Variants in DMD observed in about 807,000 individuals in gnomAD.
The protein encoded by DMD is dystrophin.
A neutral mutation model predicts 330.1 loss-of-function variants in DMD; 63 were observed. That is an observed-to-expected ratio of 0.19 (90% CI 0.16 to 0.24). DMD has a LOEUF of 0.24. Ranked by LOEUF, DMD falls within the 10% of genes least tolerant of loss-of-function variation. The pLI is 1.00. For missense variants in DMD, 3,344 were observed against 2,684.1 expected (o/e 1.25, Z -5.43); for synonymous variants, 1,223 against 959.8 (o/e 1.27, Z -5.07).
At chrX:31,584,984 A>T (rs769088244) in intron 55 of DMD, among the ~76,000 whole-genome samples, 1 of 110,291 alleles carries the variant, frequency 9.1e-6, no homozygotes, top group African/African-American at 3.3e-5. Context: ...TTTTTTTTTT[A>T]AAGGAAAATA....
At chrX:32,286,286 TA>T (rs951533633) in intron 43 of DMD, among the ~76,000 whole-genome samples, 9 of 111,786 alleles carry the variant, frequency 8.1e-5, no homozygotes, top group African/African-American at 2.9e-4. Context: ...TACAAATGCA[TA>T]AATGATTTAT....
chrX:32,372,313 CA>C (rs2097882095), intron 34 of DMD, among the ~76,000 whole-genome samples: 1 of 111,503 alleles, frequency 9.0e-6, no homozygotes, highest in African/African-American at 3.3e-5. Context: ...TATCAGAGAC[CA>C]AAATACACAT....
intron 42 of DMD, among the ~76,000 whole-genome samples, chrX:32,296,106 T>C (rs1603630141): frequency 8.9e-6 from 1 of 112,126 alleles, no homozygotes; most frequent in East Asian, 2.8e-4. Flanking sequence ...TTATTTAAAA[T>C]AGCAGCCGGG....
At chrX:31,984,215 C>G (rs980992257) in intron 44 of DMD, among the ~76,000 whole-genome samples, 20 of 111,838 alleles carry the variant, frequency 1.8e-4, no homozygotes, top group Non-Finnish European at 1.9e-5. Context: ...TAAATATAAT[C>G]ATTATGTGAA....
At chrX:31,139,159 T>C (rs1337148431) in intron 76 of DMD, among the ~76,000 whole-genome samples, 2 of 111,431 alleles carry the variant, frequency 1.8e-5, no homozygotes, top group Non-Finnish European at 3.8e-5. Context: ...CAAACATGCA[T>C]AAATAATAGA....
chrX:31,938,928 T>C (rs1314498388), intron 45 of DMD, among the ~76,000 whole-genome samples: 1 of 111,473 alleles, frequency 9.0e-6, no homozygotes, highest in Non-Finnish European at 1.9e-5. Context: ...TCCCAGTGTG[T>C]GTGTGTCTGT....
intron 45 of DMD, among the ~76,000 whole-genome samples, 155 bp downstream of exon 45, chrX:31,968,180 GAAAT>G (rs1231484435): frequency 1.8e-5 from 2 of 111,420 alleles, no homozygotes; most frequent in Non-Finnish European, 3.8e-5. Context: ...ATGAAAAAAA[GAAAT>G]AAAAAATTTC....
intron 2 of DMD, among the ~76,000 whole-genome samples, chrX:32,898,763 T>C (rs147264137): frequency 0.025 from 2,741 of 111,455 alleles, 78 homozygotes; most frequent in African/African-American, 0.085. Context: ...TGCTGGTTTC[T>C]GCTGTTTTTC....
intron 2 of DMD, among the ~76,000 whole-genome samples, chrX:32,920,366 G>A (rs1018187821): frequency 1.8e-5 from 2 of 111,743 alleles, no homozygotes; most frequent in Non-Finnish European, 3.8e-5. Context: ...TCAGAGCAAT[G>A]ATGGTGTCTA....
At chrX:32,428,311 A>G (rs2098221604) in intron 29 of DMD, among the ~76,000 whole-genome samples, 1 of 112,029 alleles carries the variant, frequency 8.9e-6, no homozygotes. Context: ...AGTTTTTACT[A>G]TTGATTCTAG....
intron 50 of DMD, among the ~76,000 whole-genome samples, chrX:31,819,020 A>G (rs1026844151): frequency 3.0e-4 from 32 of 107,087 alleles, no homozygotes; most frequent in Non-Finnish European, 4.9e-4. Flanking sequence ...TGATCTTTGA[A>G]AAGCAGACAA....
intron 45 of DMD, among the ~76,000 whole-genome samples, chrX:31,950,078 G>A (rs190691530): frequency 3.2e-4 from 35 of 110,505 alleles, no homozygotes; most frequent in Middle Eastern, 4.6e-3. Context: ...TTCTTATGGC[G>A]AAAGCTTGAG....
In DMD at chrX:32,389,513, T is replaced by C; in HGVS notation, c.4506A>G (p.Leu1502=). The C allele has an allele frequency of 2.5e-6, 3 of 1,211,202 alleles. No homozygotes were observed. Among genetic ancestry groups the C allele is most frequent in the Non-Finnish European group, 3.4e-6 (3 of 895,025 alleles). The change falls in exon 32 of 79, where the codon CTA becomes CTG. Residue 1502 remains leucine, a synonymous_variant. Transcript: ENST00000357033. ...SVEQEVVQSQ[L]NHCVNLYKSL... is the part of the protein sequence containing the mutation. ...CAGAAATACATACCACACAATGATT[T>C]AGCTGTGACTGTACTACTTCCTGTT...
intron 42 of DMD, among the ~76,000 whole-genome samples, chrX:32,289,920 C>T (rs1036791733): frequency 1.8e-5 from 2 of 111,482 alleles, no homozygotes; most frequent in Non-Finnish European, 3.8e-5. Context: ...ACGGAGTGGC[C>T]ATTCTTTATT....
intron 2 of DMD, among the ~76,000 whole-genome samples, chrX:32,997,004 C>G (rs1199895042): frequency 9.0e-6 from 1 of 111,053 alleles, no homozygotes; most frequent in Non-Finnish European, 1.9e-5. Flanking sequence ...TTGCCTTTTT[C>G]TGTTGTTATT....
At chrX:32,110,651 C>A (rs1013113572) in intron 44 of DMD, among the ~76,000 whole-genome samples, 1 of 110,944 alleles carries the variant, frequency 9.0e-6, no homozygotes, top group African/African-American at 3.3e-5. Context: ...CTAATGGCTT[C>A]AGTTCCACAT....
At chrX:32,251,217 G>T (rs756946453) in intron 43 of DMD, among the ~76,000 whole-genome samples, 34 of 110,474 alleles carry the variant, frequency 3.1e-4, no homozygotes, top group Non-Finnish European at 6.1e-4. Context: ...GTTCCTCAAA[G>T]ATTTGTCCTG....
chrX:32,544,259 T>C, intron 17 of DMD, among the ~76,000 whole-genome samples: 1 of 111,557 alleles, frequency 9.0e-6, no homozygotes, highest in South Asian at 3.7e-4. Context: ...AATAATATAT[T>C]TGAATAACTT....
intron 55 of DMD, among the ~76,000 whole-genome samples, chrX:31,613,137 C>T (rs1382039041): frequency 4.5e-5 from 5 of 112,077 alleles, no homozygotes; most frequent in Non-Finnish European, 7.5e-5. Flanking sequence ...CTTTGTATGG[C>T]AGCTTTAATT....
Sources: allele counts gnomAD v4.1 joint callset (sites outside exome capture counted in the v4.1 genomes callset), GRCh38; gene constraint gnomAD v4.1.1; transcripts MANE v1.5; gene names NCBI Gene and HGNC (gene_info 2026-07-23, HGNC 2026-07-21).